SH3YL1: variants seen among roughly 807,000 people sequenced by gnomAD.
The protein encoded by SH3YL1 is SH3 domain-containing YSC84-like protein 1.
In SH3YL1, 41 loss-of-function variants were observed where a neutral mutation model predicts 45.8. That is an observed-to-expected ratio of 0.89 (90% CI 0.70 to 1.16). The LOEUF (loss-of-function observed/expected upper bound fraction) is 1.16, where lower values mean the gene tolerates loss of function less well. Among genes scored for constraint, SH3YL1 ranks in the 50% most tolerant of loss-of-function variants. The probability of loss-of-function intolerance (pLI) is 0.00; values close to 1 mark genes in which losing one functional copy is unlikely to be tolerated. For missense variants in SH3YL1, 389 were observed against 409.6 expected, an observed-to-expected ratio of 0.95 and a Z score of 0.43; for synonymous variants, 152 against 151.4, an observed-to-expected ratio of 1.00 and a Z score of -0.03.
At chr2:230,148 G>A in intron 7 of SH3YL1, 104 bp from the exon 8 acceptor site, 1 of 767,630 alleles carries the variant, frequency 1.3e-6, no homozygotes, top group Non-Finnish European at 2.1e-6. Context: ...CTTTTATCAT[G>A]TGTGCTTATT....
chr2:254,229 C>T (rs905212486), intron 1 of SH3YL1, among the ~76,000 whole-genome samples: 6 of 152,280 alleles, frequency 3.9e-5, no homozygotes, highest in East Asian at 3.9e-4. Context: ...CTACAAGTAA[C>T]GCCGGCCTGC....
chr2:235,281 CA>C (rs1668236855), intron 4 of SH3YL1, among the ~76,000 whole-genome samples: 1 of 152,234 alleles, frequency 6.6e-6, no homozygotes, highest in Non-Finnish European at 1.5e-5. Context: ...TTAATCACTG[CA>C]ATGTGGAAGT....
chr2:228,082 C>T (rs1029349474), intron 8 of SH3YL1, among the ~76,000 whole-genome samples: 3 of 152,122 alleles, frequency 2.0e-5, no homozygotes, highest in African/African-American at 2.4e-5. Flanking sequence ...ATGATGGTAT[C>T]GCATGGAAAA....
chr2:218,980 T>C lies in SH3YL1; in HGVS notation c.860A>G (p.Glu287Gly), dbSNP rs768508994. ...ERVGNLNQPI[E>G]VTALYSFEGQ... ...TTCAAATGAATACAGCGCTGTCACTTCTATGGGTTGATTCAAATTGCCTGA... is the reference window on the plus strand; with the variant it reads ...TTCAAATGAATACAGCGCTGTCACTCCTATGGGTTGATTCAAATTGCCTGA... Residue 287 changes from glutamate to glycine, a missense_variant, in exon 10 of 10, where the codon GAA becomes GGA. Coordinates refer to ENST00000356150, the MANE Select transcript of SH3YL1 (RefSeq NM_015677.4). The C allele has an allele frequency of 1.2e-6, 2 of 1,608,490 alleles. No individual in the cohort carries two copies. The highest frequency in any genetic ancestry group is 1.3e-5 in the African/African-American group (1 of 74,744).
At chr2:262,647 G>A (rs1351460154) in intron 1 of SH3YL1, 4 of 1,304,164 alleles carry the variant, frequency 3.1e-6, no homozygotes, top group Non-Finnish European at 4.0e-6. Context: ...ACAAGCTGGC[G>A]TGCACAGGGA....
intron 2 of SH3YL1, among the ~76,000 whole-genome samples, chr2:251,741 T>A (rs1669081548): frequency 1.3e-5 from 2 of 152,160 alleles, no homozygotes. Flanking sequence ...CCTGGAGCAG[T>A]AAGGCTCTAA....
chr2:249,823 TTAGCCTTC>T lies in SH3YL1; in HGVS notation c.126_133del (p.Lys43ArgfsTer48). On this transcript the variant is annotated frameshift_variant, in exon 3 of 10. Transcript: ENST00000356150. LOFTEE classifies it high-confidence loss of function. ...GATCACAGACAGAATTGCAAGGCCT[TTAGCCTTC>T]GCAATTACGTGAGCTGTTAACGTGG... The T allele has an allele frequency of 1.3e-6, 2 of 1,551,998 alleles. No individual in the cohort carries two copies. Among genetic ancestry groups the T allele is most frequent in the Non-Finnish European group, 1.7e-6 (2 of 1,146,942 alleles).
rs1668127806 is a variant in SH3YL1, at chr2:233,192, C to G, written c.442G>C (p.Ala148Pro). The change falls in exon 6 of 10, where the codon GCC (alanine) becomes CCC (proline). Residue 148 changes from alanine to proline, a missense_variant. Ala to Pro is a conservative substitution (Grantham distance 27, BLOSUM62 -1). Coordinates refer to ENST00000356150, the MANE Select transcript of SH3YL1 (RefSeq NM_015677.4). ...CTTGACTTGCAGTACGTGAAGACGG[C>G]AGCGGAGCTTCTCAGGGCCACGTTT... The part of the protein sequence containing the change: ...EGNVALRSSA[A>P]VFTYCKSRGL... 1 of 1,591,348 alleles carries G rather than the reference C, an allele frequency of 6.3e-7. No homozygotes were observed. The highest frequency in any genetic ancestry group is 1.1e-5 in the South Asian group (1 of 88,132).
At chr2:246,999 C>T (rs1369545121) in intron 4 of SH3YL1, among the ~76,000 whole-genome samples, 1 of 152,144 alleles carries the variant, frequency 6.6e-6, no homozygotes, top group Non-Finnish European at 1.5e-5. Context: ...AGCATCAGCC[C>T]TAAGAGGATC....
chr2:253,566 C>A (rs9309729), intron 1 of SH3YL1, among the ~76,000 whole-genome samples: 96,250 of 152,046 alleles, frequency 0.63, 31,520 homozygotes, highest in East Asian at 0.83. Flanking sequence ...AAGGAGAGGA[C>A]CTCTCAGTTC....
intron 8 of SH3YL1, among the ~76,000 whole-genome samples, chr2:227,889 ATGTGTG>A (rs3070147): frequency 6.6e-6 from 1 of 150,690 alleles, no homozygotes; most frequent in African/African-American, 2.4e-5. Context: ...CCATAAAATT[ATGTGTG>A]TGTGTGTGTG....
At chr2:252,026 A>G (rs1484489347) in intron 2 of SH3YL1, among the ~76,000 whole-genome samples, 2 of 152,184 alleles carry the variant, frequency 1.3e-5, no homozygotes, top group East Asian at 3.9e-4. Flanking sequence ...GGAAATAACT[A>G]GAAGTGGTGA....
intron 1 of SH3YL1, chr2:259,936 C>T (rs1002422930): frequency 6.6e-6 from 1 of 151,624 alleles, no homozygotes; most frequent in Non-Finnish European, 1.5e-5. Flanking sequence ...GTGGAAAAGA[C>T]CCAAGTATGG....
chr2:264,774 C>T, upstream of SH3YL1: 1 of 593,372 alleles, frequency 1.7e-6, no homozygotes, highest in South Asian at 2.2e-5. Context: ...CCCCGCCCGT[C>T]CTACTACCGT....
intron 1 of SH3YL1, among the ~76,000 whole-genome samples, chr2:257,734 T>C (rs1218727090): frequency 6.6e-6 from 1 of 152,230 alleles, no homozygotes; most frequent in Non-Finnish European, 1.5e-5. Context: ...CCGACTTGCA[T>C]ATCATTCATT....
intron 3 of SH3YL1, among the ~76,000 whole-genome samples, chr2:247,861 A>G (rs896455877): frequency 1.3e-5 from 2 of 152,214 alleles, no homozygotes; most frequent in African/African-American, 2.4e-5. Flanking sequence ...ACCAACATGC[A>G]TAAGACCACC....
chr2:253,246 A>G, intron 1 of SH3YL1, 131 bp from the exon 2 acceptor site: 1 of 602,806 alleles, frequency 1.7e-6, no homozygotes, highest in Non-Finnish European at 2.9e-6. Context: ...TTTGAATAGG[A>G]GCTGGGTGAA....
intron 1 of SH3YL1, chr2:261,432 C>T (rs926520969): frequency 1.3e-5 from 2 of 152,238 alleles, no homozygotes; most frequent in East Asian, 3.9e-4. Flanking sequence ...AGAGTGGCTG[C>T]CAAACCTCAA....
chr2:245,225 A>G (rs1668743080), intron 4 of SH3YL1, among the ~76,000 whole-genome samples: 1 of 152,162 alleles, frequency 6.6e-6, no homozygotes, highest in African/African-American at 2.4e-5. Flanking sequence ...GGGCTCTGAG[A>G]AGCAAAGTCA....
Sources: gnomAD v4.1 joint callset for allele counts (sites outside exome capture counted in the v4.1 genomes callset) on GRCh38, gnomAD v4.1.1 for gene constraint, MANE v1.5 for transcripts, NCBI Gene and HGNC (gene_info 2026-07-23, HGNC 2026-07-21) for gene names.